Variants in SEZ6L observed in about 807,000 individuals in gnomAD.
The protein encoded by SEZ6L is seizure related 6 homolog like, also known as seizure 6-like protein.
A neutral mutation model predicts 106.2 loss-of-function variants in SEZ6L; 37 were observed. The ratio of observed to expected loss-of-function variants is 0.35; its 90% CI spans 0.27 to 0.46. The LOEUF (loss-of-function observed/expected upper bound fraction) is 0.46. SEZ6L is among the 20% of genes least tolerant of loss of function. SEZ6L has a pLI of 1.00. For missense variants in SEZ6L, 1,172 were observed against 1,332.8 expected, an observed-to-expected ratio of 0.88 and a Z score of 1.88; for synonymous variants, 541 against 570.4, an observed-to-expected ratio of 0.95 and a Z score of 0.73.
chr22:26,313,195 A>G (rs903909712), intron 8 of SEZ6L, among the ~76,000 whole-genome samples: 12 of 152,216 alleles, frequency 7.9e-5, no homozygotes, highest in African/African-American at 2.9e-4. Flanking sequence ...TATCTAAATT[A>G]TCGAGCAGCT....
rs537500815 is a variant in SEZ6L, at chr22:26,381,390, G to A, written c.*1095G>A. 18 of 152,348 alleles carry A rather than the reference G, an allele frequency of 1.2e-4. No homozygotes were observed. The highest frequency in any genetic ancestry group is 3.9e-4 in the East Asian group (2 of 5,184). 9.4% of individuals were successfully genotyped at this position (152,348 alleles called of 1,614,324 possible). A position where few individuals can be genotyped will look rare whatever the true frequency, so the allele number is the denominator to read the frequency against. ...CTTGCCATCAAGTATTTCAGGGGGCGGGAGGGTCCCATGAGAAGAAACTAT... is the reference window on the plus strand; with the variant it reads ...CTTGCCATCAAGTATTTCAGGGGGCAGGAGGGTCCCATGAGAAGAAACTAT... On this transcript the variant is annotated 3_prime_UTR_variant, in exon 17 of 17. Coordinates refer to ENST00000248933, the MANE Select transcript of SEZ6L (RefSeq NM_021115.5).
intron 1 of SEZ6L, among the ~76,000 whole-genome samples, chr22:26,236,413 C>T (rs2078959539): frequency 6.6e-6 from 1 of 152,212 alleles, no homozygotes; most frequent in African/African-American, 2.4e-5. Context: ...CTCTCCAAAA[C>T]AGACCCTGTC....
intron 1 of SEZ6L, among the ~76,000 whole-genome samples, chr22:26,262,276 CTA>C (rs2080039221): frequency 1.3e-5 from 2 of 151,294 alleles, no homozygotes; most frequent in African/African-American, 4.9e-5. Context: ...ATCTATCTAT[CTA>C]TCTATCTCTT....
chr22:26,196,326 A>G (rs760476197), intron 1 of SEZ6L, among the ~76,000 whole-genome samples: 4 of 152,222 alleles, frequency 2.6e-5, no homozygotes, highest in Non-Finnish European at 5.9e-5. Flanking sequence ...TACAGCCTGC[A>G]GAACCATGAG....
At chr22:26,209,359 G>A (rs1450922597) in intron 1 of SEZ6L, among the ~76,000 whole-genome samples, 1 of 152,118 alleles carries the variant, frequency 6.6e-6, no homozygotes, top group Non-Finnish European at 1.5e-5. Context: ...TTTAGATTTG[G>A]TTACATTTCT....
At chr22:26,213,778 G>A (rs1249449190) in intron 1 of SEZ6L, among the ~76,000 whole-genome samples, 2 of 152,198 alleles carry the variant, frequency 1.3e-5, no homozygotes, top group Non-Finnish European at 2.9e-5. Context: ...AAAATTAGCT[G>A]GGTGTAGTGC....
intron 1 of SEZ6L, among the ~76,000 whole-genome samples, chr22:26,197,305 A>C (rs953970912): frequency 6.6e-6 from 1 of 152,234 alleles, no homozygotes. Context: ...ATAAATGCTC[A>C]TTGAAAACAA....
chr22:26,261,960 G>A (rs183826070), intron 1 of SEZ6L, among the ~76,000 whole-genome samples: 62 of 152,228 alleles, frequency 4.1e-4, no homozygotes, highest in African/African-American at 1.4e-3. Flanking sequence ...TCATCCAGAA[G>A]TGAGGAAGAG....
intron 1 of SEZ6L, among the ~76,000 whole-genome samples, chr22:26,236,251 T>G (rs746940963): frequency 6.6e-6 from 1 of 152,228 alleles, no homozygotes; most frequent in Non-Finnish European, 1.5e-5. Context: ...GGCTCAGCTC[T>G]GGAGATTCGG....
chr22:26,288,233 A>C (rs1263466873), intron 1 of SEZ6L, among the ~76,000 whole-genome samples: 1 of 152,222 alleles, frequency 6.6e-6, no homozygotes, highest in East Asian at 1.9e-4. Context: ...CTTGGAAGAC[A>C]AAACAGATGA....
intron 9 of SEZ6L, among the ~76,000 whole-genome samples, chr22:26,333,760 AG>A (rs2082560787): frequency 6.6e-6 from 1 of 152,110 alleles, no homozygotes; most frequent in Non-Finnish European, 1.5e-5. Context: ...CTCCATAAGG[AG>A]GGTGAGCACA....
chr22:26,366,353 T>C (rs983917963), intron 13 of SEZ6L, among the ~76,000 whole-genome samples: 1 of 149,760 alleles, frequency 6.7e-6, no homozygotes, highest in Non-Finnish European at 1.5e-5. Flanking sequence ...AACATAAAGG[T>C]CTTTAAGCTT....
Position 26,296,873 on chromosome 22 carries a change from T to A in SEZ6L, c.970-15T>A, listed in dbSNP as rs2081316388. The stretch of plus-strand genomic sequence containing the variant: ...AACTCAGAGTTCCTCTCTGTCTGCT[T>A]CTGCCTGTTCCCAGGTGAAGAGTGT... On this transcript the variant is annotated splice_polypyrimidine_tract_variant and intron_variant, in intron 3 of 16. Coordinates refer to ENST00000248933, the MANE Select transcript of SEZ6L (RefSeq NM_021115.5). The A allele has an allele frequency of 6.4e-7, 1 of 1,562,424 alleles. No homozygotes were observed. The highest frequency in any genetic ancestry group is 8.7e-7 in the Non-Finnish European group (1 of 1,149,082).
At chr22:26,312,032 G>A (rs1353145490) in intron 8 of SEZ6L, 70 bp downstream of exon 8, 22 of 1,486,890 alleles carry the variant, frequency 1.5e-5, no homozygotes, top group Middle Eastern at 2.3e-4. Context: ...GAAGACCAAG[G>A]CCCCAGCTTA....
chr22:26,174,415 G>A (rs774681620), intron 1 of SEZ6L, among the ~76,000 whole-genome samples: 9 of 152,074 alleles, frequency 5.9e-5, no homozygotes, highest in African/African-American at 1.4e-4. Flanking sequence ...ACATGCTCAC[G>A]CTCAAAAAAA....
chr22:26,312,085 C>T, intron 8 of SEZ6L, 123 bp downstream of exon 8: 1 of 965,548 alleles, frequency 1.0e-6, no homozygotes, highest in Middle Eastern at 3.4e-4. Flanking sequence ...GGATTAGAAC[C>T]CTTTCCAGGG....
At position 26,313,682 on chromosome 22, in the gene SEZ6L, CATAGCCCACATGGTTAGCCGCT is replaced by C. The variant is rs2081914237; in HGVS notation, c.1877-79_1877-58del. The C allele has an allele frequency of 2.6e-6, 4 of 1,533,550 alleles. No individual in the cohort carries two copies. In the South Asian group the frequency reaches 3.5e-5, roughly 13 times the overall value. The allele number at this position is 1,533,550 out of a possible 1,614,324, so 95.0% of individuals were successfully genotyped here. ...ACAGAGATTCACGGCTGTCTGACTT[CATAGCCCACATGGTTAGCCGCT>C]ATGCCACATTGACTTCTTTACAAAT... On this transcript the variant is annotated intron_variant, in intron 8 of 16. Transcript: ENST00000248933.
chr22:26,321,206 C>T (rs1032482260), intron 9 of SEZ6L, among the ~76,000 whole-genome samples: 1 of 152,228 alleles, frequency 6.6e-6, no homozygotes, highest in Admixed American at 6.5e-5. Context: ...GTTATTATCT[C>T]CATTTTCCAG....
At chr22:26,376,912 A>C (rs1331148120) in intron 15 of SEZ6L, among the ~76,000 whole-genome samples, 1 of 152,156 alleles carries the variant, frequency 6.6e-6, no homozygotes, top group African/African-American at 2.4e-5. Flanking sequence ...ACACAAATAA[A>C]TTATAACACA....
Sources: allele counts gnomAD v4.1 joint callset (sites outside exome capture counted in the v4.1 genomes callset), GRCh38; gene constraint gnomAD v4.1.1; transcripts MANE v1.5; gene names NCBI Gene and HGNC (gene_info 2026-07-23, HGNC 2026-07-21).